KIF26B: variants seen among roughly 807,000 people sequenced by gnomAD.
KIF26B encodes kinesin family member 26B.
KIF26B carries 63 observed loss-of-function variants against 151.2 expected under a neutral mutation model. The ratio of observed to expected loss-of-function variants is 0.42; its 90% CI spans 0.34 to 0.51. The LOEUF is 0.51. KIF26B is among the 20% of genes least tolerant of loss of function. KIF26B has a pLI of 0.07. For synonymous variants in KIF26B, 1,357 were observed against 1,262.1 expected (o/e 1.08, Z -1.59); for missense variants, 2,813 against 2,913.6 (o/e 0.97, Z 0.79).
At chr1:245,305,932 T>G (rs1201099642) in intron 2 of KIF26B, among the ~76,000 whole-genome samples, 2 of 67,134 alleles carry the variant, frequency 3.0e-5, no homozygotes, top group East Asian at 5.0e-4. Flanking sequence ...GCGAGACGAC[T>G]CCTCAAAAAA....
At chr1:245,434,637 CAG>C (rs1343477740) in intron 4 of KIF26B, among the ~76,000 whole-genome samples, 1 of 152,146 alleles carries the variant, frequency 6.6e-6, no homozygotes, top group Non-Finnish European at 1.5e-5. Context: ...TGCACCCACA[CAG>C]GGGGCAGGCC....
Position 245,606,703 on chromosome 1 carries a change from T to C in KIF26B, c.1558-948T>C, listed in dbSNP as rs78316585. 1.3e-5 allele frequency among the ~76,000 whole-genome samples: 2 copies of C among 152,284 alleles called. No homozygotes were observed. The highest frequency in any genetic ancestry group is 3.9e-4 in the East Asian group (2 of 5,180). Reference sequence around the variant, plus strand: ...CCAAAGAACACCTAATAACATACCATGTGGTGACTGATACTCTATATGTTG... The same window carrying C: ...CCAAAGAACACCTAATAACATACCACGTGGTGACTGATACTCTATATGTTG... On this transcript the variant is annotated intron_variant, in intron 6 of 14. Transcript: ENST00000407071. The surrounding 1 kb of genome is among the most constrained non-coding windows in gnomAD (Gnocchi z 4.6).
intron 9 of KIF26B, among the ~76,000 whole-genome samples, chr1:245,633,073 CCTTT>C (rs1263058443): frequency 6.6e-6 from 1 of 151,940 alleles, no homozygotes; most frequent in African/African-American, 2.4e-5. Context: ...TGAATTGTTC[CCTTT>C]ATCATTATAT....
intron 3 of KIF26B, among the ~76,000 whole-genome samples, chr1:245,379,173 C>T (rs1558143410): frequency 6.6e-6 from 1 of 152,186 alleles, no homozygotes; most frequent in Non-Finnish European, 1.5e-5. Context: ...CCCTCCTTGA[C>T]ATATTGCCAA....
intron 2 of KIF26B, among the ~76,000 whole-genome samples, chr1:245,329,812 C>A (rs1672064231): frequency 6.6e-6 from 1 of 152,116 alleles, no homozygotes; most frequent in Admixed American, 6.5e-5. Context: ...TTAAAAAAAT[C>A]TTTTATTTTT....
rs182724915 is a variant in KIF26B, at chr1:245,528,343, G to A, written c.1167-12424G>A. 2.6e-5 allele frequency among the ~76,000 whole-genome samples: 4 copies of A among 152,292 alleles called. No individual in the cohort carries two copies. In the East Asian group the frequency reaches 7.7e-4, roughly 29 times the overall value. On this transcript the variant is annotated intron_variant, in intron 4 of 14. Coordinates refer to ENST00000407071, the MANE Select transcript of KIF26B (RefSeq NM_018012.4). ...CCCAGGTGCACGGCGGCTGTCAGGA[G>A]GTCAGGCAGCAGGCAAAACTCTGTT...
chr1:245,453,568 G>A (rs1259057571), intron 4 of KIF26B, among the ~76,000 whole-genome samples: 1 of 152,210 alleles, frequency 6.6e-6, no homozygotes, highest in East Asian at 1.9e-4. Context: ...CAGCTCATGT[G>A]GTTTTGCATT....
At chr1:245,184,560 T>C (rs1036468226) in intron 2 of KIF26B, among the ~76,000 whole-genome samples, 19 of 152,212 alleles carry the variant, frequency 1.2e-4, no homozygotes, top group African/African-American at 4.3e-4. Flanking sequence ...GGGGAAAGTA[T>C]TGAAAATCAA....
intron 2 of KIF26B, among the ~76,000 whole-genome samples, chr1:245,333,947 G>A (rs951214448): frequency 1.3e-5 from 2 of 151,918 alleles, no homozygotes; most frequent in African/African-American, 4.8e-5. Flanking sequence ...GCAGTGAGCT[G>A]AGATCCGCAC....
At chr1:245,388,433 T>C (rs1020300238) in intron 3 of KIF26B, among the ~76,000 whole-genome samples, 2 of 152,260 alleles carry the variant, frequency 1.3e-5, no homozygotes, top group African/African-American at 4.8e-5. Context: ...CTAAGTCACA[T>C]TGACGTCCCA....
At chr1:245,484,424 G>A (rs7523252) in intron 4 of KIF26B, among the ~76,000 whole-genome samples, 46,341 of 151,488 alleles carry the variant, frequency 0.31, 8,141 homozygotes, top group African/African-American at 0.45. Context: ...CATCTAGGTC[G>A]CCTGACAGAG....
chr1:245,590,386 T>TA (rs900333163), intron 5 of KIF26B, among the ~76,000 whole-genome samples: 3 of 152,158 alleles, frequency 2.0e-5, no homozygotes, highest in African/African-American at 7.2e-5. Flanking sequence ...TGAACACATC[T>TA]AAAAAAATTC....
chr1:245,491,607 T>C lies in KIF26B; in HGVS notation c.1167-49160T>C, dbSNP rs370578873. Among the ~76,000 whole-genome samples the C allele has an allele frequency of 2.6e-5, 4 of 152,094 alleles. No homozygotes were observed. In the East Asian group the frequency reaches 5.8e-4, roughly 22 times the overall value. ...GAGGAGCTGTAAACTGGACAATGGA[T>C]TAAAACTCTAGTAAACTGGCTGGGG... On this transcript the variant is annotated intron_variant, in intron 4 of 14. Transcript: ENST00000407071.
chr1:245,300,335 T>C (rs1671406959), intron 2 of KIF26B, among the ~76,000 whole-genome samples: 1 of 152,150 alleles, frequency 6.6e-6, no homozygotes, highest in South Asian at 2.1e-4. Context: ...AGAGTCTGGC[T>C]GGGCTGCTTC....
intron 4 of KIF26B, among the ~76,000 whole-genome samples, chr1:245,421,377 C>T (rs902760783): frequency 3.9e-5 from 6 of 152,102 alleles, no homozygotes; most frequent in African/African-American, 7.2e-5. Context: ...AGACTTGGTT[C>T]GTTCTGTAGA....
In KIF26B at chr1:245,611,907, C is replaced by T. The variant is rs754571427; in HGVS notation, c.2029C>T (p.Arg677Cys). ...HQQDCDEDDHRNSHVFFTLHI... is the reference protein window; with the variant it reads ...HQQDCDEDDHCNSHVFFTLHI... ...ACAGGACTGTGATGAGGACGACCAC[C>T]GCAACTCACACGTGTTCTTCACACT... The change falls in exon 9 of 15, where the codon CGC (arginine) becomes TGC (cysteine). Residue 677 changes from arginine (R) to cysteine (C), a missense_variant. Physicochemically the swap from Arg to Cys is radical, Grantham distance 180. This residue lies in a region of KIF26B where 2,060 missense variants were observed against 2,088.6 expected (regional missense o/e 0.99). Transcript: ENST00000407071. 9.3e-6 allele frequency: 15 copies of T among 1,613,838 alleles called. No homozygotes were observed. The highest frequency in any genetic ancestry group is 4.4e-5 in the South Asian group (4 of 91,070).
intron 2 of KIF26B, among the ~76,000 whole-genome samples, chr1:245,331,111 C>T (rs1672100623): frequency 1.3e-5 from 2 of 151,852 alleles, no homozygotes. Context: ...TGGGAGTCTG[C>T]GGTATGACGT....
At chr1:245,532,204 C>A (rs960944552) in intron 4 of KIF26B, among the ~76,000 whole-genome samples, 1 of 151,028 alleles carries the variant, frequency 6.6e-6, no homozygotes, top group Admixed American at 6.6e-5. Flanking sequence ...GTCCTTGAAG[C>A]ATAGGAAAAT....
intron 5 of KIF26B, among the ~76,000 whole-genome samples, chr1:245,557,206 A>G (rs1290774198): frequency 6.6e-6 from 1 of 152,256 alleles, no homozygotes; most frequent in Non-Finnish European, 1.5e-5. Context: ...AAGTTGGATA[A>G]TATCAGCAGT....
Sources: allele counts gnomAD v4.1 joint callset (sites outside exome capture counted in the v4.1 genomes callset), GRCh38; gene constraint gnomAD v4.1.1; regional missense constraint gnomAD v4.1.1; non-coding constraint Gnocchi (gnomAD v3.1); transcripts MANE v1.5; gene names NCBI Gene and HGNC (gene_info 2026-07-23, HGNC 2026-07-21).